Variants in CA8 observed in about 807,000 individuals in gnomAD.
The protein encoded by CA8 is carbonic anhydrase-related protein.
A neutral mutation model predicts 41.4 loss-of-function variants in CA8; 22 were observed. That is an observed-to-expected ratio of 0.53 (90% CI 0.38 to 0.76). CA8 has a LOEUF of 0.76. Among genes scored for constraint, CA8 ranks in the 30% least tolerant of loss-of-function variants. CA8 has a pLI of 0.00. For synonymous variants in CA8, 121 were observed against 130.6 expected, an observed-to-expected ratio of 0.93 and a Z score of 0.50; for missense variants, 270 against 352.8, an observed-to-expected ratio of 0.77 and a Z score of 1.88.
chr8:60,254,479 A>G (rs1808555473), intron 3 of CA8, among the ~76,000 whole-genome samples: 1 of 152,236 alleles, frequency 6.6e-6, no homozygotes. Context: ...GAACACAGTT[A>G]AACAAACCAC....
intron 3 of CA8, among the ~76,000 whole-genome samples, chr8:60,261,722 G>C (rs1016282737): frequency 2.0e-5 from 3 of 152,132 alleles, no homozygotes; most frequent in Non-Finnish European, 4.4e-5. Context: ...ATTAAAACTT[G>C]ACACACTGTT....
intron 8 of CA8, among the ~76,000 whole-genome samples, chr8:60,198,352 A>T (rs1352537144): frequency 6.6e-6 from 1 of 152,198 alleles, no homozygotes; most frequent in Admixed American, 6.5e-5. Flanking sequence ...TTTTGTTCCC[A>T]TCACTCACTA....
intron 3 of CA8, among the ~76,000 whole-genome samples, chr8:60,260,747 C>A (rs576232183): frequency 6.6e-6 from 1 of 152,170 alleles, no homozygotes; most frequent in Non-Finnish European, 1.5e-5. Context: ...AGTGATATAT[C>A]TTGTATCTAA....
At chr8:60,215,434 G>A (rs540745526) in intron 7 of CA8, among the ~76,000 whole-genome samples, 220 of 151,644 alleles carry the variant, frequency 1.5e-3, no homozygotes, top group Non-Finnish European at 2.7e-3. Context: ...AGGGGGTGAG[G>A]GATAAAAGAC....
At chr8:60,205,412 G>C (rs1037257411) in intron 8 of CA8, among the ~76,000 whole-genome samples, 9 of 152,286 alleles carry the variant, frequency 5.9e-5, no homozygotes, top group African/African-American at 2.2e-4. Flanking sequence ...CATTTTGCTG[G>C]AAGATGAGTA....
chr8:60,260,754 C>A (rs750599413), intron 3 of CA8, among the ~76,000 whole-genome samples: 3 of 152,098 alleles, frequency 2.0e-5, no homozygotes, highest in Non-Finnish European at 2.9e-5. Context: ...TATCTTGTAT[C>A]TAATCTTCAG....
At chr8:60,226,441 G>A (rs997252629) in intron 5 of CA8, among the ~76,000 whole-genome samples, 5 of 152,202 alleles carry the variant, frequency 3.3e-5, no homozygotes, top group Non-Finnish European at 7.3e-5. Context: ...GTGACTTATG[G>A]CGAAGAGGGC....
intron 3 of CA8, among the ~76,000 whole-genome samples, chr8:60,245,405 T>C (rs1808193664): frequency 3.3e-5 from 5 of 152,198 alleles, no homozygotes; most frequent in Admixed American, 2.6e-4. Context: ...TACTTCCTTA[T>C]TTATATAAGT....
chr8:60,234,863 T>G (rs1260833948), intron 3 of CA8, among the ~76,000 whole-genome samples: 1 of 152,100 alleles, frequency 6.6e-6, no homozygotes, highest in Non-Finnish European at 1.5e-5. Flanking sequence ...TGAAGGTCCT[T>G]TCTCTCATTT....
chr8:60,274,681 C>T (rs945609175), intron 2 of CA8, among the ~76,000 whole-genome samples: 1 of 152,212 alleles, frequency 6.6e-6, no homozygotes, highest in African/African-American at 2.4e-5. Flanking sequence ...GACGTAGCAC[C>T]GAAGCACCAT....
chr8:60,265,597 C>T (rs746198856), intron 3 of CA8: 16 of 315,660 alleles, frequency 5.1e-5, no homozygotes, highest in Non-Finnish European at 9.0e-5. Flanking sequence ...GTCTTCAGCT[C>T]GTCACCTATC....
intron 7 of CA8, among the ~76,000 whole-genome samples, chr8:60,219,469 T>C (rs1807159196): frequency 6.6e-6 from 1 of 152,184 alleles, no homozygotes; most frequent in East Asian, 1.9e-4. Flanking sequence ...TCTGCTCTTT[T>C]TTTGATGCTA....
intron 2 of CA8, among the ~76,000 whole-genome samples, chr8:60,274,757 G>C (rs1804179336): frequency 6.6e-6 from 1 of 152,038 alleles, no homozygotes; most frequent in East Asian, 1.9e-4. Context: ...TTGGACTTCC[G>C]AGTCTCCAGA....
Position 60,279,688 on chromosome 8 carries a change from C to G in CA8, c.292+1G>C. Reference sequence around the variant, plus strand: ...CCACACAAACATATTTTCTAAAATACCTGATTTTGACTTCAGGATAACCTG... The same window carrying G: ...CCACACAAACATATTTTCTAAAATAGCTGATTTTGACTTCAGGATAACCTG... On this transcript the variant is annotated splice_donor_variant, in intron 2 of 8. Coordinates refer to ENST00000317995, the MANE Select transcript of CA8 (RefSeq NM_004056.6). LOFTEE classifies it high-confidence loss of function. 1 of 1,613,300 alleles carries G rather than the reference C, an allele frequency of 6.2e-7. No individual in the cohort carries two copies. Among genetic ancestry groups the G allele is most frequent in the Non-Finnish European group, 8.5e-7 (1 of 1,179,268 alleles).
intron 7 of CA8, among the ~76,000 whole-genome samples, chr8:60,214,032 G>C (rs10100519): frequency 0.37 from 55,821 of 152,036 alleles, 10,708 homozygotes; most frequent in Admixed American, 0.45. Context: ...GGGGTGGAAC[G>C]CAGCAATCTG....
intron 3 of CA8, among the ~76,000 whole-genome samples, chr8:60,256,485 A>C (rs779908945): frequency 6.6e-6 from 1 of 152,202 alleles, no homozygotes; most frequent in Non-Finnish European, 1.5e-5. Flanking sequence ...GTAGAACCCT[A>C]CAAAGCTAAA....
intron 8 of CA8, among the ~76,000 whole-genome samples, chr8:60,197,305 C>T (rs1312001469): frequency 6.6e-6 from 1 of 151,948 alleles, no homozygotes; most frequent in Non-Finnish European, 1.5e-5. Context: ...TGAAAAATAG[C>T]ATGCACAGTA....
chr8:60,249,547 G>C (rs1310745133), intron 3 of CA8, among the ~76,000 whole-genome samples: 1 of 152,058 alleles, frequency 6.6e-6, no homozygotes, highest in Non-Finnish European at 1.5e-5. Context: ...TCCAAATGTT[G>C]GCTTCTGACA....
intron 3 of CA8, among the ~76,000 whole-genome samples, chr8:60,236,257 T>C (rs1040849203): frequency 6.6e-6 from 1 of 152,180 alleles, no homozygotes; most frequent in Non-Finnish European, 1.5e-5. Flanking sequence ...GAACTCTGGA[T>C]AAAAATCAGC....
Sources: allele counts gnomAD v4.1 joint callset (sites outside exome capture counted in the v4.1 genomes callset), GRCh38; gene constraint gnomAD v4.1.1; transcripts MANE v1.5; gene names NCBI Gene and HGNC (gene_info 2026-07-23, HGNC 2026-07-21).